AP3B2: variants seen among roughly 807,000 people sequenced by gnomAD.
AP3B2 encodes the protein AP-3 complex subunit beta-2.
In AP3B2, 50 loss-of-function variants were observed where a neutral mutation model predicts 126.9. The observed-to-expected ratio is 0.39, with a 90% CI of 0.31 to 0.50. AP3B2 has a LOEUF of 0.50. Among genes scored for constraint, AP3B2 ranks in the 20% least tolerant of loss-of-function variants. AP3B2 has a pLI of 0.79. For synonymous variants in AP3B2, 541 were observed against 565.0 expected (o/e 0.96, Z 0.60); for missense variants, 1,177 against 1,426.4 (o/e 0.83, Z 2.82).
rs775082950 is a variant in AP3B2 at position 82,663,214 on chromosome 15, C to T, written c.2517G>A (p.Gln839=). Residue 839 remains glutamine (Q), a synonymous_variant, in exon 22 of 27, where the codon CAG becomes CAA. Coordinates refer to ENST00000535359, the MANE Select transcript of AP3B2 (RefSeq NM_001278512.2). ...DLEDFTPPSV[Q]PVSPPAIVST... is the part of the protein sequence containing the mutation. Reference sequence around the variant, plus strand: ...ACACAATTGCTGGGGGAGACACAGGCTGGACACTGGGAGGGGTGACTGTGG... The same window carrying T: ...ACACAATTGCTGGGGGAGACACAGGTTGGACACTGGGAGGGGTGACTGTGG... The T allele has an allele frequency of 2.5e-6, 4 of 1,613,020 alleles. No individual in the cohort carries two copies. The highest frequency in any genetic ancestry group is 1.3e-5 in the African/African-American group (1 of 74,992).
At chr15:82,663,372 C>T in intron 21 of AP3B2, 139 bp from the exon 22 acceptor site, 1 of 971,796 alleles carries the variant, frequency 1.0e-6, no homozygotes, top group Non-Finnish European at 1.6e-6. Context: ...CGCAAAATAC[C>T]CATTCCTAGA....
intron 4 of AP3B2, chr15:82,686,544 C>T (rs1208449404): frequency 2.0e-5 from 3 of 152,082 alleles, no homozygotes; most frequent in African/African-American, 7.2e-5. Context: ...ATATAGGAGG[C>T]TTTGGCTATT....
intron 1 of AP3B2, among the ~76,000 whole-genome samples, chr15:82,701,059 A>C (rs1289527242): frequency 6.6e-6 from 1 of 151,608 alleles, no homozygotes; most frequent in African/African-American, 2.4e-5. Flanking sequence ...CGGGGTTTTG[A>C]CATGTTGGCC....
Position 82,665,552 on chromosome 15 carries a change from A to G in AP3B2, c.1876T>C (p.Ser626Pro). The change falls in exon 16 of 27, where the codon TCA becomes CCA. Residue 626 changes from serine (S) to proline (P), a missense_variant. Ser to Pro is a moderately conservative substitution (Grantham distance 74). Coordinates refer to ENST00000535359, the MANE Select transcript of AP3B2 (RefSeq NM_001278512.2). This position sits in a 1 kb window ranked among gnomAD's most constrained non-coding sequence, Gnocchi z 4.4. ...FKDRDHFQLG[S>P]LSHLLNAKAT... ...TTGGCATTAAGCAGGTGGGACAGTG[A>G]GCCCAGCTGGAAGTGGTCCCGGTCT... The G allele has an allele frequency of 6.2e-7, 1 of 1,613,886 alleles. No homozygotes were observed. The highest frequency in any genetic ancestry group is 1.1e-5 in the South Asian group (1 of 91,056).
Position 82,664,703 on chromosome 15 carries a change from TCAGGTGCACAAACAATTCACAAG to T in AP3B2, c.2137+109_2137+131del, listed in dbSNP as rs2048020535. 3 of 896,994 alleles carry T rather than the reference TCAGGTGCACAAACAATTCACAAG, an allele frequency of 3.3e-6. No individual in the cohort carries two copies. The highest frequency in any genetic ancestry group is 1.7e-5 in the African/African-American group (1 of 59,928). 55.6% of individuals were successfully genotyped at this position (896,994 alleles called of 1,614,324 possible). A position where few individuals can be genotyped will look rare whatever the true frequency, so the allele number is the denominator to read the frequency against. On this transcript the variant is annotated intron_variant, in intron 18 of 26. Coordinates refer to ENST00000535359, the MANE Select transcript of AP3B2 (RefSeq NM_001278512.2). This position sits in a 1 kb window ranked among gnomAD's most constrained non-coding sequence, Gnocchi z 4.5. ...CACACACACCTGGAACATGAATCCC[TCAGGTGCACAAACAATTCACAAG>T]CAGGTGCACACCCCTAGACACACAA...
rs1555465250 is a variant in AP3B2 at position 82,666,858 on chromosome 15, A to G, written c.1741T>C (p.Phe581Leu). ...GAAGGGACGATGAGCTGCCGGGTGA[A>G]GCGCGCCCGGTCGCGAATATCATAG... is the stretch of plus-strand genomic sequence containing the variant. Reference protein sequence around the residue: ...QNYDIRDRARFTRQLIVPSEQ... With the variant: ...QNYDIRDRARLTRQLIVPSEQ... Residue 581 changes from phenylalanine to leucine, a missense_variant, in exon 15 of 27, where the codon TTC becomes CTC. Coordinates refer to ENST00000535359, the MANE Select transcript of AP3B2 (RefSeq NM_001278512.2). 2 of 1,613,990 alleles carry G rather than the reference A, an allele frequency of 1.2e-6. No homozygotes were observed. The highest frequency in any genetic ancestry group is 1.7e-6 in the Non-Finnish European group (2 of 1,179,878).
rs541428001 is a variant in AP3B2 at position 82,702,040 on chromosome 15, G to A, written c.113+7554C>T. On this transcript the variant is annotated intron_variant, in intron 1 of 26. Transcript: ENST00000535359. ...TGGGTACCTTGAAACACTTTCCACT[G>A]TTCTCTGGTCACTTCTAATGTTGGT... Among the ~76,000 whole-genome samples, 293 of 152,238 alleles carry A rather than the reference G, an allele frequency of 1.9e-3. 6 individuals carry two copies. The highest frequency in any genetic ancestry group is 6.9e-4 in the Non-Finnish European group (47 of 68,022).
chr15:82,709,494 C>CGGGGCCGGCGCT, intron 1 of AP3B2, 100 bp downstream of exon 1: 1 of 786,662 alleles, frequency 1.3e-6, no homozygotes, highest in Non-Finnish European at 1.6e-6. Context: ...GCGGCCGGGG[C>CGGGGCCGGCGCT]GGGGCCGGCG....
chr15:82,686,799 GC>G (rs2048434420), intron 4 of AP3B2: 1 of 150,606 alleles, frequency 6.6e-6, no homozygotes, highest in Non-Finnish European at 1.5e-5. Context: ...TCGGCTCATT[GC>G]AACCTCTGCC....
intron 4 of AP3B2, among the ~76,000 whole-genome samples, chr15:82,684,466 A>G (rs926179606): frequency 9.2e-5 from 14 of 152,182 alleles, no homozygotes; most frequent in African/African-American, 3.1e-4. Flanking sequence ...AGACCTGCCT[A>G]TGAATTAGGC....
Position 82,681,816 on chromosome 15 carries a change from A to G in AP3B2, c.361-236T>C, listed in dbSNP as rs1182496953. ...GCAATGGGTAGCTTCACTTCCAGAA[A>G]CACTGAAAAACTTTCAGAACACCTA... On this transcript the variant is annotated intron_variant, in intron 4 of 26. Coordinates refer to ENST00000535359, the MANE Select transcript of AP3B2 (RefSeq NM_001278512.2). The surrounding 1 kb of genome is among the most constrained non-coding windows in gnomAD (Gnocchi z 4.0). Among the ~76,000 whole-genome samples, 1 of 152,180 alleles carries G rather than the reference A, an allele frequency of 6.6e-6. No homozygotes were observed. The highest frequency in any genetic ancestry group is 2.4e-5 in the African/African-American group (1 of 41,440).
In AP3B2 at chr15:82,688,728, C is replaced by T; in HGVS notation, c.360+8G>A. ...CCAGGCCCTGGGAGGCAAACTGAGA[C>T]CCCTGACCTTTAGGCCACGTTGGAA... On this transcript the variant is annotated splice_region_variant and intron_variant, in intron 4 of 26. Transcript: ENST00000535359. 3 of 1,607,768 alleles carry T rather than the reference C, an allele frequency of 1.9e-6. No individual in the cohort carries two copies. The highest frequency in any genetic ancestry group is 2.5e-6 in the Non-Finnish European group (3 of 1,177,206).
chr15:82,680,929 G>C lies in AP3B2; in HGVS notation c.679C>G (p.Leu227Val). The change falls in exon 7 of 27, where the codon CTG becomes GTG. Residue 227 changes from leucine (L) to valine (V), a missense_variant. Physicochemically the swap from Leu to Val is conservative, Grantham distance 32. Transcript: ENST00000535359. This position sits in a 1 kb window ranked among gnomAD's most constrained non-coding sequence, Gnocchi z 6.1. ...IHKNYRKLCN[L>V]LIDVEEWGQV... ...CCCCACTCCTCCACGTCGATCAGCA[G>C]GTTACAGAGTTTCCGGTAGTTTTTG... 1.2e-6 allele frequency: 2 copies of C among 1,613,974 alleles called. No individual in the cohort carries two copies. The highest frequency in any genetic ancestry group is 1.7e-6 in the Non-Finnish European group (2 of 1,179,888).
At chr15:82,670,003 CA>C (rs964942203) in intron 14 of AP3B2, among the ~76,000 whole-genome samples, 349 of 11,140 alleles carry the variant, frequency 0.031, no homozygotes, top group Non-Finnish European at 0.044. Flanking sequence ...AACTCCATCT[CA>C]AAAAAAAAAA....
At chr15:82,702,346 T>C (rs2048731251) in intron 1 of AP3B2, among the ~76,000 whole-genome samples, 1 of 152,212 alleles carries the variant, frequency 6.6e-6, no homozygotes. Context: ...ATCCATCCAG[T>C]TGCAGGAACT....
rs773679679 is a variant in AP3B2 at position 82,689,478 on chromosome 15, C to G, written c.114-25G>C. The G allele has an allele frequency of 3.7e-6, 6 of 1,608,964 alleles. No homozygotes were observed. In the African/African-American group the frequency reaches 5.3e-5, roughly 14 times the overall value. ...CCTGGTGGGAGGTACAAGAAGTCAG[C>G]TGAGGGCACAAGGGTGGGGATGGGG... On this transcript the variant is annotated intron_variant, in intron 1 of 26. Transcript: ENST00000535359.
In AP3B2 at chr15:82,665,627, G is replaced by A; in HGVS notation, c.1853-52C>T. The stretch of plus-strand genomic sequence containing the variant: ...GGTAGCAGCAGTGAGGGAAAGCTCT[G>A]GGAGCTGTTTTCCAGGTGGGGCTGG... On this transcript the variant is annotated intron_variant, in intron 15 of 26. Coordinates refer to ENST00000535359, the MANE Select transcript of AP3B2 (RefSeq NM_001278512.2). This position sits in a 1 kb window ranked among gnomAD's most constrained non-coding sequence, Gnocchi z 4.4. The A allele has an allele frequency of 6.8e-7, 1 of 1,461,984 alleles. No homozygotes were observed. Among genetic ancestry groups the A allele is most frequent in the Non-Finnish European group, 9.5e-7 (1 of 1,048,864 alleles). The allele number at this position is 1,461,984 out of a possible 1,614,324, so 90.6% of individuals were successfully genotyped here.
At chr15:82,663,334 G>A (rs1391466418) in intron 21 of AP3B2, 101 bp from the exon 22 acceptor site, 1 of 1,069,542 alleles carries the variant, frequency 9.3e-7, no homozygotes, top group African/African-American at 1.6e-5. Context: ...ACCATGGACA[G>A]CGGGGCACAT....
chr15:82,676,463 G>A lies in AP3B2; in HGVS notation c.1663C>T (p.Gln555Ter). ...GGGGGTCATCTCTTAATCTTTACCT[G>A]TTTAGAGTTGGTCAGGTAGAGCTTG... ...AAKLYLTNSK[Q>*]TKLLTQYVLS... The change falls in exon 14 of 27, where the codon CAG becomes TAG. Residue 555 changes from glutamine to a stop codon, truncating the protein, a stop_gained and splice_region_variant. Coordinates refer to ENST00000535359, the MANE Select transcript of AP3B2 (RefSeq NM_001278512.2). LOFTEE classifies it high-confidence loss of function. The A allele has an allele frequency of 6.2e-7, 1 of 1,613,886 alleles. No individual in the cohort carries two copies. Among genetic ancestry groups the A allele is most frequent in the Non-Finnish European group, 8.5e-7 (1 of 1,179,806 alleles).
Sources: allele counts gnomAD v4.1 joint callset (sites outside exome capture counted in the v4.1 genomes callset), GRCh38; gene constraint gnomAD v4.1.1; non-coding constraint Gnocchi (gnomAD v3.1); transcripts MANE v1.5; gene names NCBI Gene and HGNC (gene_info 2026-07-23, HGNC 2026-07-21).